Variants in CEP112 observed in about 807,000 individuals in gnomAD.
CEP112 encodes centrosomal protein of 112 kDa.
In CEP112, 127 loss-of-function variants were observed where a neutral mutation model predicts 153.0. The ratio of observed to expected loss-of-function variants is 0.83; its 90% CI spans 0.72 to 0.96. The LOEUF is 0.96. Among genes scored for constraint, CEP112 ranks in the 40% least tolerant of loss-of-function variants. The pLI is 0.00. For synonymous variants in CEP112, 358 were observed against 374.4 expected (o/e 0.96, Z 0.51); for missense variants, 1,089 against 1,101.2 (o/e 0.99, Z 0.16).
chr17:65,776,299 A>G (rs1026430718), intron 21 of CEP112, among the ~76,000 whole-genome samples: 1 of 152,066 alleles, frequency 6.6e-6, no homozygotes, highest in African/African-American at 2.4e-5. Context: ...CAGTGGTGCA[A>G]TCTCGGCTTG....
Position 65,774,669 on chromosome 17 carries a change from C to T in CEP112, c.2395-23945G>A, listed in dbSNP as rs183756146. 1.2e-3 allele frequency among the ~76,000 whole-genome samples: 180 copies of T among 152,236 alleles called. 2 individuals carry two copies. The highest frequency in any genetic ancestry group is 3.9e-3 in the African/African-American group (160 of 41,538). ...TGGGTGCGTAGGTGACATCCAGGAT[C>T]GGAGGCCCTACCCCATGGCATGATA... On this transcript the variant is annotated intron_variant, in intron 21 of 26. Coordinates refer to ENST00000535342, the MANE Select transcript of CEP112 (RefSeq NM_001199165.4).
intron 4 of CEP112, among the ~76,000 whole-genome samples, chr17:66,149,880 G>GTTTTTTTTTTTTTTT (rs1568549274): frequency 2.6e-4 from 16 of 60,716 alleles, no homozygotes; most frequent in East Asian, 8.8e-4. Flanking sequence ...TTTTTTTTTT[G>GTTTTTTTTTTTTTTT]TTTGTTTGTT....
At chr17:66,189,957 A>C (rs1048704142) in intron 1 of CEP112, among the ~76,000 whole-genome samples, 4 of 152,146 alleles carry the variant, frequency 2.6e-5, no homozygotes, top group African/African-American at 4.8e-5. Flanking sequence ...ACTTGAGCCC[A>C]AGAGGTCAAG....
intron 16 of CEP112, among the ~76,000 whole-genome samples, chr17:66,007,524 A>T (rs185610408): frequency 1.1e-3 from 160 of 152,348 alleles, no homozygotes; most frequent in Non-Finnish European, 1.9e-3. Flanking sequence ...ACATTACTAA[A>T]GCAACAAAAG....
At chr17:65,673,101 G>A (rs781371437) in intron 24 of CEP112, among the ~76,000 whole-genome samples, 1 of 152,106 alleles carries the variant, frequency 6.6e-6, no homozygotes, top group Admixed American at 6.5e-5. Context: ...AGCTGGCCTG[G>A]GCTCTTATCT....
intron 4 of CEP112, among the ~76,000 whole-genome samples, chr17:66,149,489 A>T (rs1303676681): frequency 6.6e-6 from 1 of 152,128 alleles, no homozygotes; most frequent in Non-Finnish European, 1.5e-5. Flanking sequence ...GAGGTTTTTG[A>T]TTATTGATTC....
At chr17:65,784,948 CA>C (rs1568009574) in intron 21 of CEP112, among the ~76,000 whole-genome samples, 1 of 151,912 alleles carries the variant, frequency 6.6e-6, no homozygotes, top group Admixed American at 6.6e-5. Context: ...CAAAAAACAA[CA>C]AAAAAAGAAC....
intron 17 of CEP112, among the ~76,000 whole-genome samples, chr17:65,981,200 T>C (rs1367313794): frequency 6.6e-6 from 1 of 152,178 alleles, no homozygotes; most frequent in Non-Finnish European, 1.5e-5. Context: ...TGGGTAATTT[T>C]ACTATATGGA....
chr17:65,995,233 T>C (rs922529553), intron 17 of CEP112, among the ~76,000 whole-genome samples: 7 of 151,872 alleles, frequency 4.6e-5, no homozygotes, highest in Admixed American at 3.3e-4. Context: ...CTGGCTTTGA[T>C]TGTTTTTGTT....
intron 24 of CEP112, among the ~76,000 whole-genome samples, chr17:65,653,994 G>C (rs949922436): frequency 6.8e-6 from 1 of 147,452 alleles, no homozygotes; most frequent in African/African-American, 2.6e-5. Flanking sequence ...AGGAGACAGA[G>C]GTTGCAGTAA....
intron 21 of CEP112, among the ~76,000 whole-genome samples, chr17:65,789,351 G>A (rs2054464973): frequency 1.3e-5 from 2 of 151,980 alleles, no homozygotes; most frequent in South Asian, 2.1e-4. Context: ...CATTTTTGCT[G>A]TCTGATATAG....
At chr17:65,696,340 T>C (rs1424396689) in intron 23 of CEP112, among the ~76,000 whole-genome samples, 1 of 152,204 alleles carries the variant, frequency 6.6e-6, no homozygotes, top group African/African-American at 2.4e-5. Context: ...AGAGTGTAAA[T>C]GGATCTTGTC....
intron 24 of CEP112, among the ~76,000 whole-genome samples, chr17:65,680,403 T>C (rs1374117187): frequency 2.0e-5 from 3 of 152,212 alleles, no homozygotes; most frequent in African/African-American, 7.2e-5. Context: ...TCAGCAACTT[T>C]TGGAACTCTT....
intron 12 of CEP112, among the ~76,000 whole-genome samples, chr17:66,030,971 C>T (rs549688367): frequency 6.6e-6 from 1 of 152,206 alleles, no homozygotes; most frequent in African/African-American, 2.4e-5. Flanking sequence ...CATTACAATA[C>T]CAAATAGGTA....
intron 12 of CEP112, 35 bp downstream of exon 12, chr17:66,053,701 G>C: frequency 6.3e-7 from 1 of 1,591,470 alleles, no homozygotes; most frequent in East Asian, 2.3e-5. Context: ...GAGAAGACAG[G>C]TTCTAAGATG....
chr17:65,786,617 C>T (rs2054291293), intron 21 of CEP112, among the ~76,000 whole-genome samples: 1 of 136,152 alleles, frequency 7.3e-6, no homozygotes, highest in Admixed American at 8.1e-5. Context: ...GGCAGGGTCT[C>T]ACTCTGTCAC....
At chr17:66,035,819 A>G (rs1025790161) in intron 12 of CEP112, among the ~76,000 whole-genome samples, 1 of 152,160 alleles carries the variant, frequency 6.6e-6, no homozygotes, top group Non-Finnish European at 1.5e-5. Flanking sequence ...ACATACCAGG[A>G]AAACCAAAAG....
At chr17:65,891,200 G>A (rs1292788852) in intron 20 of CEP112, among the ~76,000 whole-genome samples, 1 of 152,080 alleles carries the variant, frequency 6.6e-6, no homozygotes, top group African/African-American at 2.4e-5. Context: ...TATGAACTCA[G>A]GTTTATAGAG....
intron 18 of CEP112, among the ~76,000 whole-genome samples, chr17:65,931,106 A>C (rs1029276924): frequency 6.6e-6 from 1 of 152,216 alleles, no homozygotes; most frequent in African/African-American, 2.4e-5. Flanking sequence ...TTTCTTTTGT[A>C]TATTTATTAA....
Sources: gnomAD v4.1 joint callset for allele counts (sites outside exome capture counted in the v4.1 genomes callset) on GRCh38, gnomAD v4.1.1 for gene constraint, MANE v1.5 for transcripts, NCBI Gene and HGNC (gene_info 2026-07-23, HGNC 2026-07-21) for gene names.